Variants in CBLB observed in about 807,000 individuals in gnomAD.
CBLB encodes E3 ubiquitin-protein ligase CBL-B.
Under a neutral mutation model 104.9 loss-of-function variants are expected in CBLB, and 31 were observed. That is an observed-to-expected ratio of 0.30 (90% CI 0.22 to 0.40). The LOEUF (loss-of-function observed/expected upper bound fraction) is 0.40, where lower values mean the gene tolerates loss of function less well. Ranked by LOEUF, CBLB falls within the 10% of genes least tolerant of loss-of-function variation. The pLI is 1.00. For missense variants in CBLB, 1,062 were observed against 1,214.6 expected, an observed-to-expected ratio of 0.87 and a Z score of 1.87; for synonymous variants, 440 against 422.6, an observed-to-expected ratio of 1.04 and a Z score of -0.51.
At chr3:105,661,193 G>A (rs1283799406) in intron 18 of CBLB, among the ~76,000 whole-genome samples, 1 of 152,070 alleles carries the variant, frequency 6.6e-6, no homozygotes, top group Non-Finnish European at 1.5e-5. Context: ...GTATATTAAA[G>A]TATGCCCATA....
At chr3:105,762,585 C>G (rs939042761) in intron 4 of CBLB, among the ~76,000 whole-genome samples, 2 of 152,214 alleles carry the variant, frequency 1.3e-5, no homozygotes, top group Admixed American at 1.3e-4. Context: ...CCTGCAGGTG[C>G]ACAGAAGTCA....
At chr3:105,788,132 C>T (rs1202107447) in intron 3 of CBLB, among the ~76,000 whole-genome samples, 1 of 152,136 alleles carries the variant, frequency 6.6e-6, no homozygotes. Flanking sequence ...CACCCAACAA[C>T]TCAGAAATTT....
At chr3:105,763,707 T>G (rs1289872895) in intron 4 of CBLB, among the ~76,000 whole-genome samples, 2 of 152,212 alleles carry the variant, frequency 1.3e-5, no homozygotes, top group African/African-American at 4.8e-5. Flanking sequence ...TGCTATTAAG[T>G]CACACTTTCT....
chr3:105,824,268 T>TA (rs2086266553), intron 3 of CBLB: 3 of 152,332 alleles, frequency 2.0e-5, no homozygotes, highest in Admixed American at 2.0e-4. Flanking sequence ...GTCACTACAG[T>TA]CTGTCTTTAC....
chr3:105,660,709 CAA>C (rs2063708883), intron 18 of CBLB, among the ~76,000 whole-genome samples: 1 of 152,128 alleles, frequency 6.6e-6, no homozygotes, highest in Non-Finnish European at 1.5e-5. Flanking sequence ...GCTGCCTCAG[CAA>C]CTTTCCCAAT....
intron 13 of CBLB, among the ~76,000 whole-genome samples, chr3:105,686,624 A>G (rs909269714): frequency 1.3e-5 from 2 of 152,146 alleles, no homozygotes; most frequent in African/African-American, 2.4e-5. Flanking sequence ...GACCATTACA[A>G]GAAGGCATTT....
At chr3:105,752,326 G>A (rs547997041) in intron 4 of CBLB, among the ~76,000 whole-genome samples, 1 of 152,230 alleles carries the variant, frequency 6.6e-6, no homozygotes, top group Non-Finnish European at 1.5e-5. Flanking sequence ...GCACAGAATG[G>A]TAACTAGGGA....
chr3:105,667,773 G>T (rs1362845247), intron 18 of CBLB, among the ~76,000 whole-genome samples: 1 of 152,174 alleles, frequency 6.6e-6, no homozygotes, highest in African/African-American at 2.4e-5. Context: ...ATTCATAAAT[G>T]ACTATCAATT....
chr3:105,682,295 T>A (rs956727632), intron 14 of CBLB, among the ~76,000 whole-genome samples: 1 of 152,066 alleles, frequency 6.6e-6, no homozygotes, highest in African/African-American at 2.4e-5. Context: ...AGAAGAAAAA[T>A]TATTGAACTT....
intron 3 of CBLB, among the ~76,000 whole-genome samples, chr3:105,783,349 ATATT>A (rs997672721): frequency 1.3e-5 from 2 of 152,188 alleles, no homozygotes; most frequent in African/African-American, 4.8e-5. Flanking sequence ...AAAATTATAA[ATATT>A]TATCACAGTA....
At chr3:105,815,625 G>A (rs1017359595) in intron 3 of CBLB, among the ~76,000 whole-genome samples, 1 of 152,192 alleles carries the variant, frequency 6.6e-6, no homozygotes, top group Non-Finnish European at 1.5e-5. Flanking sequence ...CAGCCATTGT[G>A]GAAGACAGTG....
Position 105,737,215 on chromosome 3 carries a change from C to A in CBLB, c.1027G>T (p.Gly343Ter). Residue 343 changes from glycine to a stop codon, truncating the protein, a stop_gained, in exon 8 of 19, where the codon GGA (glycine) becomes TGA (stop). Transcript: ENST00000394030. LOFTEE classifies it high-confidence loss of function. ...TCATGAGGTGTAGGTTCACATAATC[C>A]AGTTAAATCAGGATTATAACTCCTC... ...DGRSYNPDLT[G>*]LCEPTPHDHI... 1 of 1,592,130 alleles carries A rather than the reference C, an allele frequency of 6.3e-7. No homozygotes were observed.
At chr3:105,729,899 A>G (rs2074120911) in intron 9 of CBLB, among the ~76,000 whole-genome samples, 1 of 152,122 alleles carries the variant, frequency 6.6e-6, no homozygotes, top group Non-Finnish European at 1.5e-5. Context: ...GCAATAATAC[A>G]AAAGCTGCCA....
At chr3:105,805,786 A>G (rs1375832438) in intron 3 of CBLB, among the ~76,000 whole-genome samples, 1 of 152,164 alleles carries the variant, frequency 6.6e-6, no homozygotes, top group East Asian at 1.9e-4. Flanking sequence ...TAATCACTCT[A>G]TTCTCTGAAG....
chr3:105,812,718 G>C (rs2084477090), intron 3 of CBLB, among the ~76,000 whole-genome samples: 1 of 152,146 alleles, frequency 6.6e-6, no homozygotes, highest in African/African-American at 2.4e-5. Context: ...AGATCTTATA[G>C]GTGATATTTA....
chr3:105,722,036 T>C (rs1309563685), intron 9 of CBLB, among the ~76,000 whole-genome samples: 1 of 151,510 alleles, frequency 6.6e-6, no homozygotes, highest in South Asian at 2.1e-4. Flanking sequence ...CTATAAAAAA[T>C]AAATGTTTAA....
rs183096337 is a variant in CBLB at position 105,756,860 on chromosome 3, G to A, written c.567-5242C>T. The stretch of plus-strand genomic sequence containing the variant: ...TGTAATCCTCAATTTTGGAGGTAGA[G>A]CCCAGTGGGAGGTGATCGGATCATG... On this transcript the variant is annotated intron_variant, in intron 4 of 18. Transcript: ENST00000394030. Among the ~76,000 whole-genome samples, 5 of 152,286 alleles carry A rather than the reference G, an allele frequency of 3.3e-5. No individual in the cohort carries two copies. The East Asian group carries it at 9.6e-4, about 29-fold the overall frequency.
At position 105,720,058 on chromosome 3, in the gene CBLB, T is replaced by C. The variant is rs61758360; in HGVS notation, c.1396A>G (p.Asn466Asp). Residue 466 changes from asparagine to aspartate, a missense_variant, in exon 10 of 19, where the codon AAC (asparagine) becomes GAC (aspartate). Coordinates refer to ENST00000394030, the MANE Select transcript of CBLB (RefSeq NM_170662.5). ...GTTTCTAGTTTTACCTTTCGGACGT[T>C]TGCCAACCGATTCATCATCAAGGAC... The part of the protein sequence containing the change: ...EESLMMNRLA[N>D]VRKCTDRQNS... 1.1e-3 allele frequency: 1,809 copies of C among 1,613,612 alleles called. 30 individuals carry two copies. The East Asian group carries it at 0.036, about 32-fold the overall frequency.
chr3:105,777,151 C>CA lies in CBLB; in HGVS notation c.420-610dup. 2.0e-5 allele frequency among the ~76,000 whole-genome samples: 3 copies of CA among 152,258 alleles called. No homozygotes were observed. In the South Asian group the frequency reaches 6.2e-4, roughly 32 times the overall value. On this transcript the variant is annotated intron_variant, in intron 3 of 18. Transcript: ENST00000394030. Reference sequence around the variant, plus strand: ...GGTAACAGGAGAAAATAACATGAGACAGAGTAAGAAACTTTAGTTGGGACA... The same window carrying CA: ...GGTAACAGGAGAAAATAACATGAGACAAGAGTAAGAAACTTTAGTTGGGACA...
Sources: gnomAD v4.1 joint callset for allele counts (sites outside exome capture counted in the v4.1 genomes callset) on GRCh38, gnomAD v4.1.1 for gene constraint, MANE v1.5 for transcripts, NCBI Gene and HGNC (gene_info 2026-07-23, HGNC 2026-07-21) for gene names.